ROS1: variants seen among roughly 807,000 people sequenced by gnomAD.
ROS1 encodes proto-oncogene tyrosine-protein kinase ROS.
A neutral mutation model predicts 273.5 loss-of-function variants in ROS1; 263 were observed. The observed-to-expected ratio is 0.96, with a 90% CI of 0.87 to 1.06. ROS1 has a LOEUF of 1.06. Among genes scored for constraint, ROS1 ranks in the 50% least tolerant of loss-of-function variants. ROS1 has a pLI of 0.00. For missense variants in ROS1, 2,833 were observed against 2,751.1 expected, an observed-to-expected ratio of 1.03 and a Z score of -0.67; for synonymous variants, 1,008 against 954.1, an observed-to-expected ratio of 1.06 and a Z score of -1.04.
chr6:117,414,819 T>C (rs1775214164), intron 3 of ROS1, among the ~76,000 whole-genome samples: 1 of 152,164 alleles, frequency 6.6e-6, no homozygotes, highest in African/African-American at 2.4e-5. Flanking sequence ...TAATCTGTGG[T>C]GGACCAAGTT....
rs1772855734 is a variant in ROS1 at position 117,389,356 on chromosome 6, C to G, written c.1780G>C (p.Gly594Arg). The change falls in exon 13 of 44, where the codon GGA (glycine) becomes CGA (arginine). Residue 594 changes from glycine (G) to arginine (R), a missense_variant. Coordinates refer to ENST00000368507, the MANE Select transcript of ROS1 (RefSeq NM_001378902.1). ...VQWKPPALAI[G>R]ASPSAWQNWT... ...CTGGGGACAGAGCACTCACTGGCTC[C>G]TATGGCAAGGGCAGGAGGCTTCCAT... 6.2e-7 allele frequency: 1 copy of G among 1,612,278 alleles called. No homozygotes were observed. The highest frequency in any genetic ancestry group is 1.1e-5 in the South Asian group (1 of 90,840).
At chr6:117,422,496 C>T (rs1481404463) in intron 1 of ROS1, among the ~76,000 whole-genome samples, 1 of 151,864 alleles carries the variant, frequency 6.6e-6, no homozygotes, top group African/African-American at 2.4e-5. Flanking sequence ...AGGTTTATTC[C>T]TGTAGCAATA....
chr6:117,293,784 T>C (rs979229900), intron 43 of ROS1, among the ~76,000 whole-genome samples: 2 of 152,152 alleles, frequency 1.3e-5, no homozygotes, highest in Admixed American at 1.3e-4. Context: ...ATAAAGTCTA[T>C]AAAATTATAG....
chr6:117,388,218 C>T (rs72965321), intron 13 of ROS1, among the ~76,000 whole-genome samples: 11,602 of 152,178 alleles, frequency 0.076, 541 homozygotes, highest in Non-Finnish European at 0.097. Flanking sequence ...GCATTCCCAA[C>T]AAATAGGACT....
chr6:117,327,820 T>C (rs1480930757), intron 33 of ROS1, among the ~76,000 whole-genome samples: 1 of 152,174 alleles, frequency 6.6e-6, no homozygotes, highest in Non-Finnish European at 1.5e-5. Flanking sequence ...ATCCAATGAC[T>C]GGCACTTGCA....
intron 35 of ROS1, among the ~76,000 whole-genome samples, chr6:117,322,486 A>G (rs1162322038): frequency 1.3e-5 from 2 of 152,132 alleles, no homozygotes; most frequent in African/African-American, 4.8e-5. Context: ...GTCTTCCCAC[A>G]CAGGCATGTC....
chr6:117,341,438 C>A lies in ROS1; in HGVS notation c.4846G>T (p.Val1616Phe). ...EFPNGRLTLL[V>F]TRLSGGNIYV... ...ATATTTCCACCAGACAGTCTAGTAA[C>A]AAGGAGAGTGAGCCTTCCATTTGGA... is the stretch of plus-strand genomic sequence containing the variant. Residue 1616 changes from valine to phenylalanine, a missense_variant, in exon 30 of 44, where the codon GTT (valine) becomes TTT (phenylalanine). Transcript: ENST00000368507. 2 of 1,613,854 alleles carry A rather than the reference C, an allele frequency of 1.2e-6. No homozygotes were observed. The highest frequency in any genetic ancestry group is 8.5e-7 in the Non-Finnish European group (1 of 1,179,792).
intron 43 of ROS1, among the ~76,000 whole-genome samples, chr6:117,292,030 T>G (rs1447072190): frequency 6.6e-6 from 1 of 151,566 alleles, no homozygotes; most frequent in Non-Finnish European, 1.5e-5. Flanking sequence ...AGTGCAGTGG[T>G]GCGATCTCGG....
At chr6:117,365,330 T>G in intron 20 of ROS1, 126 bp from the exon 21 acceptor site, 1 of 1,017,074 alleles carries the variant, frequency 9.8e-7, no homozygotes, top group Non-Finnish European at 1.4e-6. Context: ...TTGGAAGTGC[T>G]AATTTTGGCA....
In ROS1 at chr6:117,359,853, C is replaced by A. The variant is rs1231203749; in HGVS notation, c.3589G>T (p.Asp1197Tyr). The A allele has an allele frequency of 5.6e-6, 9 of 1,613,780 alleles. No individual in the cohort carries two copies. Among genetic ancestry groups the A allele is most frequent in the African/African-American group, 1.3e-5 (1 of 74,902 alleles). Residue 1197 changes from aspartate to tyrosine, a missense_variant, in exon 24 of 44, where the codon GAC becomes TAC. Asp to Tyr is a radical substitution (Grantham distance 160). Coordinates refer to ENST00000368507, the MANE Select transcript of ROS1 (RefSeq NM_001378902.1). ...DNEMGYYAEG[D>Y]SLFLLHLHNR... ...TGCAAGTGCAGAAGAAAGAGTGAGT[C>A]CCCTTCAGCATAATATCCCATCTCA...
intron 27 of ROS1, 102 bp downstream of exon 27, chr6:117,352,888 C>T: frequency 9.3e-7 from 1 of 1,071,172 alleles, no homozygotes; most frequent in Non-Finnish European, 1.4e-6. Flanking sequence ...GATGAGAGCA[C>T]AACAAAGGGG....
chr6:117,411,219 ATC>A (rs3839368), intron 4 of ROS1, among the ~76,000 whole-genome samples: 242 of 133,584 alleles, frequency 1.8e-3, no homozygotes, highest in African/African-American at 5.1e-3. Flanking sequence ...CCTTCTCTCA[ATC>A]TCTCTCTCTC....
chr6:117,384,085 G>A lies in ROS1; in HGVS notation c.2290-577C>T, dbSNP rs1038963799. 2.0e-5 allele frequency among the ~76,000 whole-genome samples: 3 copies of A among 152,250 alleles called. No individual in the cohort carries two copies. The Middle Eastern group carries it at 0.01, about 518-fold the overall frequency. ...CCTGGAGTTAAACACTTTAATAAGA[G>A]ATAGAGAAAATACTTAAAACTGGTT... On this transcript the variant is annotated intron_variant, in intron 16 of 43. Transcript: ENST00000368507.
At position 117,342,427 on chromosome 6, in the gene ROS1, CTT is replaced by C; in HGVS notation, c.4622_4623del (p.Lys1541ArgfsTer7). The C allele has an allele frequency of 6.2e-7, 1 of 1,612,098 alleles. No homozygotes were observed. Among genetic ancestry groups the C allele is most frequent in the Non-Finnish European group, 8.5e-7 (1 of 1,179,172 alleles). ...CCATTTTTAGTTTTTCCCCAAATCT[CTT>C]TTCCTGGTGGTAAATGTTCCAAAGG... ...SDPLEHLPPG[K>X]EIWGKTKNGV... On this transcript the variant is annotated frameshift_variant, in exon 29 of 44. Transcript: ENST00000368507. LOFTEE classifies it high-confidence loss of function.
intron 14 of ROS1, among the ~76,000 whole-genome samples, chr6:117,387,253 C>T (rs778378782): frequency 3.3e-5 from 5 of 152,196 alleles, no homozygotes; most frequent in Non-Finnish European, 7.3e-5. Context: ...GAGATTGCCT[C>T]TATAACGGTG....
intron 4 of ROS1, among the ~76,000 whole-genome samples, chr6:117,412,645 A>G (rs910265887): frequency 1.3e-5 from 2 of 150,996 alleles, no homozygotes; most frequent in East Asian, 3.9e-4. Flanking sequence ...TACACATAGC[A>G]TGTATTCCTG....
chr6:117,347,799 G>C (rs541054108), intron 27 of ROS1, among the ~76,000 whole-genome samples: 1 of 152,144 alleles, frequency 6.6e-6, no homozygotes, highest in South Asian at 2.1e-4. Context: ...TTTGTCAAAA[G>C]CATTTTCTGC....
At chr6:117,380,999 T>C (rs909447260) in intron 17 of ROS1, among the ~76,000 whole-genome samples, 2 of 152,098 alleles carry the variant, frequency 1.3e-5, no homozygotes, top group African/African-American at 4.8e-5. Flanking sequence ...AATAAATCTG[T>C]ACATGACATC....
chr6:117,329,805 G>A (rs1776941005), intron 32 of ROS1, among the ~76,000 whole-genome samples: 1 of 152,128 alleles, frequency 6.6e-6, no homozygotes, highest in Admixed American at 6.5e-5. Flanking sequence ...TACCCAGCCG[G>A]GGAAATTGCT....
Sources: allele counts gnomAD v4.1 joint callset (sites outside exome capture counted in the v4.1 genomes callset), GRCh38; gene constraint gnomAD v4.1.1; transcripts MANE v1.5; gene names NCBI Gene and HGNC (gene_info 2026-07-23, HGNC 2026-07-21).